The following ATP8A1 variants were observed in gnomAD, a reference collection of about 807,000 sequenced individuals.
The protein encoded by ATP8A1 is ATPase phospholipid transporting 8A1.
A neutral mutation model predicts 177.7 loss-of-function variants in ATP8A1; 90 were observed. The ratio of observed to expected loss-of-function variants is 0.51; its 90% CI spans 0.43 to 0.60. ATP8A1 has a LOEUF of 0.60. Ranked by LOEUF, ATP8A1 falls within the 20% of genes least tolerant of loss-of-function variation. The pLI is 0.00. For synonymous variants in ATP8A1, 493 were observed against 485.9 expected (o/e 1.01, Z -0.19); for missense variants, 1,072 against 1,392.8 (o/e 0.77, Z 3.67).
chr4:42,453,978 T>G (rs1206690206), intron 29 of ATP8A1, among the ~76,000 whole-genome samples: 1 of 152,222 alleles, frequency 6.6e-6, no homozygotes, highest in Admixed American at 6.5e-5. Context: ...ACAAATAAAT[T>G]TAAAAATCTA....
intron 13 of ATP8A1, among the ~76,000 whole-genome samples, chr4:42,575,090 A>G (rs1451428685): frequency 1.3e-5 from 2 of 152,254 alleles, no homozygotes; most frequent in Non-Finnish European, 2.9e-5. Context: ...TTCATGCAAC[A>G]TCTGAACTGG....
intron 8 of ATP8A1, among the ~76,000 whole-genome samples, chr4:42,587,159 C>G (rs577268826): frequency 1.4e-4 from 22 of 152,146 alleles, no homozygotes; most frequent in Non-Finnish European, 2.9e-4. Flanking sequence ...GTAAACTATT[C>G]CCCAAGATGA....
intron 5 of ATP8A1, among the ~76,000 whole-genome samples, chr4:42,612,541 G>A (rs1437079744): frequency 2.7e-5 from 4 of 150,904 alleles, no homozygotes; most frequent in South Asian, 2.1e-4. Flanking sequence ...ACTTCTGAGC[G>A]TCAACCTACT....
intron 33 of ATP8A1, among the ~76,000 whole-genome samples, chr4:42,433,545 G>T (rs1303880859): frequency 6.6e-6 from 1 of 152,122 alleles, no homozygotes; most frequent in East Asian, 1.9e-4. Flanking sequence ...ACTAAAGGGT[G>T]TTTCAGATAA....
chr4:42,437,618 T>C (rs935349066), intron 33 of ATP8A1, among the ~76,000 whole-genome samples: 2 of 152,198 alleles, frequency 1.3e-5, no homozygotes, highest in Non-Finnish European at 2.9e-5. Context: ...GATATCGTAA[T>C]TCCTTTTGAA....
intron 22 of ATP8A1, among the ~76,000 whole-genome samples, chr4:42,514,904 A>G (rs1485723270): frequency 4.6e-5 from 7 of 152,236 alleles, no homozygotes; most frequent in South Asian, 2.1e-4. Flanking sequence ...CAGTTATCTC[A>G]CAAACATTTT....
At chr4:42,554,085 G>A (rs945080081) in intron 16 of ATP8A1, among the ~76,000 whole-genome samples, 1 of 152,194 alleles carries the variant, frequency 6.6e-6, no homozygotes, top group Non-Finnish European at 1.5e-5. Context: ...AGAGAACGCA[G>A]AGAATAGGCT....
intron 35 of ATP8A1, among the ~76,000 whole-genome samples, chr4:42,418,648 G>GT (rs1332961781): frequency 2.0e-5 from 3 of 152,272 alleles, no homozygotes; most frequent in African/African-American, 2.4e-5. Context: ...ACCTTCAGGA[G>GT]TAAGGTTTAG....
intron 9 of ATP8A1, among the ~76,000 whole-genome samples, chr4:42,583,974 G>T (rs10023014): frequency 0.96 from 146,273 of 152,290 alleles, 70,489 homozygotes; most frequent in East Asian, 1. Context: ...TCTTTAACCA[G>T]ATGTTCATGG....
chr4:42,532,080 C>T (rs140539395), intron 20 of ATP8A1, among the ~76,000 whole-genome samples: 3,829 of 152,128 alleles, frequency 0.025, 151 homozygotes, highest in African/African-American at 0.086. Context: ...CCAGCCTGGG[C>T]AGCAGAGTGA....
intron 30 of ATP8A1, among the ~76,000 whole-genome samples, chr4:42,450,152 T>C (rs1412929115): frequency 2.6e-5 from 4 of 152,326 alleles, no homozygotes; most frequent in South Asian, 4.1e-4. Flanking sequence ...AAATGTGGCA[T>C]ATCTATACCA....
In ATP8A1 at chr4:42,537,515, C is replaced by G. The variant is rs1357624589; in HGVS notation, c.1722+6402G>C. Reference sequence around the variant, plus strand: ...GATGACATGATCATATACCTAAAAACCCTAAAAACTCCTCCAAAAAGCTCC... The same window carrying G: ...GATGACATGATCATATACCTAAAAAGCCTAAAAACTCCTCCAAAAAGCTCC... On this transcript the variant is annotated intron_variant, in intron 20 of 36. Transcript: ENST00000381668. 2.6e-5 allele frequency among the ~76,000 whole-genome samples: 4 copies of G among 152,024 alleles called. No homozygotes were observed. The East Asian group carries it at 7.7e-4, about 29-fold the overall frequency.
chr4:42,486,847 G>C (rs1722244928), intron 24 of ATP8A1, among the ~76,000 whole-genome samples: 3 of 152,108 alleles, frequency 2.0e-5, no homozygotes, highest in Non-Finnish European at 4.4e-5. Context: ...GGAGCAATAG[G>C]CTATCTTGTG....
rs1733827275 is a variant in ATP8A1 at position 42,588,266 on chromosome 4, A to G, written c.588T>C (p.Ile196=). ...TACTTGTATCAGATCTTACCTGTCT[A>G]ATTTTCAAGTTTGTTTCACCATCTA... The part of the protein sequence containing the change: ...SNLDGETNLK[I]RQGLPATSDI... Residue 196 remains isoleucine (I), a synonymous_variant, in exon 8 of 37, where the codon ATT becomes ATC. Transcript: ENST00000381668. The G allele has an allele frequency of 1.2e-6, 2 of 1,611,668 alleles. No individual in the cohort carries two copies. Among genetic ancestry groups the G allele is most frequent in the Non-Finnish European group, 8.5e-7 (1 of 1,177,860 alleles).
intron 7 of ATP8A1, 28 bp from the exon 8 acceptor site, chr4:42,588,357 GA>G: frequency 6.3e-7 from 1 of 1,576,548 alleles, no homozygotes; most frequent in Middle Eastern, 1.7e-4. Flanking sequence ...GAAGCACAAA[GA>G]TTTAGTGCGG....
intron 14 of ATP8A1, among the ~76,000 whole-genome samples, chr4:42,570,907 CTG>C (rs1398668988): frequency 6.6e-6 from 1 of 152,220 alleles, no homozygotes; most frequent in Non-Finnish European, 1.5e-5. Context: ...GACCTCTATA[CTG>C]TGTTAGGACT....
chr4:42,580,054 G>A (rs1732875200), intron 10 of ATP8A1, 76 bp from the exon 11 acceptor site: 2 of 1,176,460 alleles, frequency 1.7e-6, no homozygotes, highest in African/African-American at 1.6e-5. Context: ...ATTCTGTTGA[G>A]GATGACAAAG....
intron 8 of ATP8A1, among the ~76,000 whole-genome samples, chr4:42,588,021 T>C (rs1264003965): frequency 1.3e-5 from 2 of 152,238 alleles, no homozygotes; most frequent in Admixed American, 6.5e-5. Context: ...TGTTAGCTAT[T>C]ACATAATTAA....
intron 8 of ATP8A1, among the ~76,000 whole-genome samples, 179 bp from the exon 9 acceptor site, chr4:42,586,655 C>G (rs957372008): frequency 1.3e-5 from 2 of 152,278 alleles, no homozygotes; most frequent in Admixed American, 1.3e-4. Context: ...GACTTGAGCA[C>G]AGGTTTTTAG....
Sources: gnomAD v4.1 joint callset for allele counts (sites outside exome capture counted in the v4.1 genomes callset) on GRCh38, gnomAD v4.1.1 for gene constraint, MANE v1.5 for transcripts, NCBI Gene and HGNC (gene_info 2026-07-23, HGNC 2026-07-21) for gene names.